The following CASS4 variants were observed in gnomAD, a reference collection of about 807,000 sequenced individuals.
CASS4 encodes the protein cas scaffolding protein family member 4.
A neutral mutation model predicts 54.2 loss-of-function variants in CASS4; 22 were observed. The observed-to-expected ratio is 0.41, with a 90% CI of 0.29 to 0.58. The LOEUF is 0.58. CASS4 is among the 20% of genes least tolerant of loss of function. The probability of loss-of-function intolerance (pLI) is 0.36; values close to 1 mark genes in which losing one functional copy is unlikely to be tolerated. For missense variants in CASS4, 854 were observed against 986.7 expected (o/e 0.87, Z 1.80); for synonymous variants, 409 against 391.5 (o/e 1.04, Z -0.53).
chr20:56,456,214 A>G (rs890557853), intron 5 of CASS4, among the ~76,000 whole-genome samples: 1 of 151,974 alleles, frequency 6.6e-6, no homozygotes, highest in Admixed American at 6.6e-5. Context: ...CTCACTGCCT[A>G]TAGAAGTCCC....
chr20:56,412,454 C>T lies in CASS4; in HGVS notation c.-5C>T. 2 of 1,612,426 alleles carry T rather than the reference C, an allele frequency of 1.2e-6. No homozygotes were observed. Among genetic ancestry groups the T allele is most frequent in the Non-Finnish European group, 1.7e-6 (2 of 1,179,270 alleles). On this transcript the variant is annotated 5_prime_UTR_variant, in exon 1 of 6. Transcript: ENST00000679887. This position sits in a 1 kb window ranked among gnomAD's most constrained non-coding sequence, Gnocchi z 4.2. The stretch of plus-strand genomic sequence containing the variant: ...AGCTCAGGGGAGCTGCTCCACATCA[C>T]CGACATGAAGGGAACAGGCATCATG...
At chr20:56,433,432 C>A (rs60905129) in intron 1 of CASS4, among the ~76,000 whole-genome samples, 5,649 of 152,116 alleles carry the variant, frequency 0.037, 367 homozygotes, top group African/African-American at 0.13. Context: ...TGGGAAGAGG[C>A]AAAATCACAC....
chr20:56,416,364 A>C (rs1979137174), intron 1 of CASS4, among the ~76,000 whole-genome samples: 2 of 152,238 alleles, frequency 1.3e-5, no homozygotes, highest in African/African-American at 4.8e-5. Flanking sequence ...ATTTAGTTCT[A>C]AAAGAACTAA....
At chr20:56,442,360 G>A (rs1480631474) in intron 2 of CASS4, among the ~76,000 whole-genome samples, 1 of 151,774 alleles carries the variant, frequency 6.6e-6, no homozygotes, top group African/African-American at 2.4e-5. Context: ...AACTGCTCGT[G>A]CAGCCACACA....
intron 1 of CASS4, among the ~76,000 whole-genome samples, chr20:56,426,584 C>A (rs1431021352): frequency 2.0e-5 from 3 of 151,980 alleles, no homozygotes; most frequent in Non-Finnish European, 2.9e-5. Flanking sequence ...CCGCCTCCCC[C>A]TCCCCCGCCA....
At position 56,458,426 on chromosome 20, in the gene CASS4, T is replaced by C. The variant is rs765133519; in HGVS notation, c.2040T>C (p.Phe680=). 7 of 1,614,090 alleles carry C rather than the reference T, an allele frequency of 4.3e-6. No individual in the cohort carries two copies. In the Middle Eastern group the frequency reaches 6.6e-4, roughly 152 times the overall value. The change falls in exon 6 of 6, where the codon TTT becomes TTC. Residue 680 remains phenylalanine, a synonymous_variant. Coordinates refer to ENST00000679887, the MANE Select transcript of CASS4 (RefSeq NM_020356.4). Reference sequence around the variant, plus strand: ...TATCTGAACACTGCCGGCTCTACTTTGGGGCGCTCTTCAAAGCCATCAGCG... The same window carrying C: ...TATCTGAACACTGCCGGCTCTACTTCGGGGCGCTCTTCAAAGCCATCAGCG... The part of the protein sequence containing the change: ...PRLSEHCRLY[F]GALFKAISAF...
chr20:56,437,624 G>T lies in CASS4; in HGVS notation c.459+38G>T. On this transcript the variant is annotated intron_variant, in intron 2 of 5. Coordinates refer to ENST00000679887, the MANE Select transcript of CASS4 (RefSeq NM_020356.4). The surrounding 1 kb of genome is among the most constrained non-coding windows in gnomAD (Gnocchi z 4.7). ...CCACCTACTAGACATGGGTTGAGGGGTATGGAAACACCCAGAGGCCTAACT... is the reference window on the plus strand; with the variant it reads ...CCACCTACTAGACATGGGTTGAGGGTTATGGAAACACCCAGAGGCCTAACT... 6.7e-7 allele frequency: 1 copy of T among 1,494,396 alleles called. No individual in the cohort carries two copies. Among genetic ancestry groups the T allele is most frequent in the Non-Finnish European group, 9.0e-7 (1 of 1,117,220 alleles). The allele number at this position is 1,494,396 out of a possible 1,614,324, so 92.6% of individuals were successfully genotyped here.
intron 3 of CASS4, 24 bp downstream of exon 3, chr20:56,446,025 C>T (rs781739897): frequency 1.3e-6 from 2 of 1,500,642 alleles, no homozygotes; most frequent in Non-Finnish European, 1.9e-6. Context: ...AGGGGCCCCT[C>T]ATCACCCAGA....
chr20:56,413,813 T>A (rs1979005796), intron 1 of CASS4, among the ~76,000 whole-genome samples: 1 of 152,090 alleles, frequency 6.6e-6, no homozygotes, highest in African/African-American at 2.4e-5. Context: ...TTTGAAAAAT[T>A]TCAAACCATT....
At chr20:56,435,697 C>A (rs1301483132) in intron 1 of CASS4, among the ~76,000 whole-genome samples, 1 of 152,218 alleles carries the variant, frequency 6.6e-6, no homozygotes, top group South Asian at 2.1e-4. Context: ...GCTTTGTGAC[C>A]GCAGGCAAGT....
intron 1 of CASS4, among the ~76,000 whole-genome samples, chr20:56,432,179 C>G (rs547469710): frequency 6.6e-6 from 1 of 152,082 alleles, no homozygotes; most frequent in Admixed American, 6.5e-5. Flanking sequence ...GATTGCAAGG[C>G]TAAGTATGAA....
At chr20:56,417,698 C>T (rs1206876809) in intron 1 of CASS4, among the ~76,000 whole-genome samples, 4 of 152,294 alleles carry the variant, frequency 2.6e-5, no homozygotes, top group African/African-American at 9.6e-5. Context: ...GCAGGTGGAG[C>T]CCTGGCTGCA....
chr20:56,424,470 G>A (rs1438749056), intron 1 of CASS4, among the ~76,000 whole-genome samples: 1 of 152,168 alleles, frequency 6.6e-6, no homozygotes. Context: ...GCCAGGCATG[G>A]TGGCTCACGC....
chr20:56,451,685 C>A (rs1884910), intron 4 of CASS4, 134 bp from the exon 5 acceptor site: 32 of 675,052 alleles, frequency 4.7e-5, no homozygotes, highest in Admixed American at 1.4e-4. Flanking sequence ...CAAAAGAATC[C>A]TGAAGGACCT....
intron 5 of CASS4, among the ~76,000 whole-genome samples, chr20:56,454,841 A>T (rs1981212467): frequency 1.3e-5 from 2 of 152,206 alleles, no homozygotes; most frequent in Non-Finnish European, 2.9e-5. Flanking sequence ...CATGACCCAC[A>T]TGGGCGAGAG....
At position 56,451,874 on chromosome 20, in the gene CASS4, C is replaced by T; in HGVS notation, c.698C>T (p.Thr233Ile). Reference protein sequence around the residue: ...VTTLRRGGYSTLPNPQKSEWI... With the variant: ...VTTLRRGGYSILPNPQKSEWI... ...ACCTTAAGAAGAGGCGGTTACAGCACATTACCAAATCCTCAGAAATCGGAA... is the reference window on the plus strand; with the variant it reads ...ACCTTAAGAAGAGGCGGTTACAGCATATTACCAAATCCTCAGAAATCGGAA... The change falls in exon 5 of 6, where the codon ACA becomes ATA. Residue 233 changes from threonine to isoleucine, a missense_variant. Transcript: ENST00000679887. 4 of 1,613,996 alleles carry T rather than the reference C, an allele frequency of 2.5e-6. No individual in the cohort carries two copies. The highest frequency in any genetic ancestry group is 2.5e-6 in the Non-Finnish European group (3 of 1,179,872).
At chr20:56,458,014 CAAAAAAA>C (rs11355939) in intron 5 of CASS4, among the ~76,000 whole-genome samples, 3 of 76,532 alleles carry the variant, frequency 3.9e-5, no homozygotes, top group African/African-American at 1.1e-4. Context: ...AACTCTGTCT[CAAAAAAA>C]AAAAAAAAAA....
intron 1 of CASS4, among the ~76,000 whole-genome samples, chr20:56,415,024 G>A (rs1211000915): frequency 6.6e-6 from 1 of 152,098 alleles, no homozygotes; most frequent in African/African-American, 2.4e-5. Flanking sequence ...ACGAGGCCTC[G>A]CTGACTTGCC....
At position 56,446,015 on chromosome 20, in the gene CASS4, A is replaced by G. The variant is rs757946572; in HGVS notation, c.561+14A>G. 1 of 1,582,038 alleles carries G rather than the reference A, an allele frequency of 6.3e-7. No homozygotes were observed. Among genetic ancestry groups the G allele is most frequent in the Non-Finnish European group, 8.7e-7 (1 of 1,154,448 alleles). ...GTGGTCCTGAAGGTGAGCCTTGTTC[A>G]GGGGCCCCTCATCACCCAGACCTCT... On this transcript the variant is annotated intron_variant, in intron 3 of 5. Coordinates refer to ENST00000679887, the MANE Select transcript of CASS4 (RefSeq NM_020356.4).
Sources: allele counts gnomAD v4.1 joint callset (sites outside exome capture counted in the v4.1 genomes callset), GRCh38; gene constraint gnomAD v4.1.1; non-coding constraint Gnocchi (gnomAD v3.1); transcripts MANE v1.5; gene names NCBI Gene and HGNC (gene_info 2026-07-23, HGNC 2026-07-21).